Variants in IFT122 observed in about 807,000 individuals in gnomAD.
IFT122 encodes intraflagellar transport 122, also known as intraflagellar transport protein 122 homolog.
A neutral mutation model predicts 161.6 loss-of-function variants in IFT122; 118 were observed. That is an observed-to-expected ratio of 0.73 (90% CI 0.63 to 0.85). IFT122 has a LOEUF of 0.85. Among genes scored for constraint, IFT122 ranks in the 40% least tolerant of loss-of-function variants. The pLI, the probability that IFT122 is intolerant of heterozygous loss-of-function variation, is 0.00. For synonymous variants in IFT122, 550 were observed against 602.4 expected (o/e 0.91, Z 1.27); for missense variants, 1,381 against 1,579.6 (o/e 0.87, Z 2.13).
intron 17 of IFT122, among the ~76,000 whole-genome samples, chr3:129,493,597 G>A (rs901729275): frequency 6.6e-6 from 1 of 152,196 alleles, no homozygotes; most frequent in Non-Finnish European, 1.5e-5. Flanking sequence ...TATTTCCTAA[G>A]CTCATGCTCT....
At chr3:129,514,757 C>T (rs867457657) in intron 25 of IFT122, 9 of 678,188 alleles carry the variant, frequency 1.3e-5, no homozygotes, top group East Asian at 2.7e-5. Flanking sequence ...ACCTGGCGCC[C>T]GCTCACAGCC....
At chr3:129,485,940 C>G (rs1229479983) in intron 15 of IFT122, among the ~76,000 whole-genome samples, 1 of 152,254 alleles carries the variant, frequency 6.6e-6, no homozygotes, top group African/African-American at 2.4e-5. Context: ...GCATCAGACC[C>G]AGTCTTGGAA....
chr3:129,487,542 C>T (rs925006689), intron 15 of IFT122: 1 of 157,502 alleles, frequency 6.3e-6, no homozygotes, highest in African/African-American at 2.4e-5. Flanking sequence ...GCAACCCCAT[C>T]TTGTAGGAGG....
chr3:129,441,629 C>T (rs1362442519), intron 1 of IFT122, among the ~76,000 whole-genome samples: 2 of 152,056 alleles, frequency 1.3e-5, no homozygotes, highest in Admixed American at 1.3e-4. Flanking sequence ...ATGTTACAGA[C>T]GTGGCAAACT....
At chr3:129,453,770 A>G (rs1440211859) in intron 3 of IFT122, among the ~76,000 whole-genome samples, 3 of 152,138 alleles carry the variant, frequency 2.0e-5, no homozygotes, top group African/African-American at 7.2e-5. Flanking sequence ...GTTGGGAAGG[A>G]AGGGAAGTGG....
Position 129,463,551 on chromosome 3 carries a change from G to A in IFT122, c.350-9G>A, listed in dbSNP as rs1399786376. The A allele has an allele frequency of 2.5e-6, 4 of 1,611,474 alleles. No individual in the cohort carries two copies. Among genetic ancestry groups the A allele is most frequent in the Non-Finnish European group, 3.4e-6 (4 of 1,177,980 alleles). ...AATCCATCTTCTTTTATATTATTGT[G>A]CATTGAAGGGTTGTGGTCTCCTGAA... is the stretch of plus-strand genomic sequence containing the variant. On this transcript the variant is annotated splice_polypyrimidine_tract_variant and intron_variant, in intron 5 of 29. Coordinates refer to ENST00000348417, the MANE Select transcript of IFT122 (RefSeq NM_052989.3).
chr3:129,512,345 C>CGA lies in IFT122; in HGVS notation c.2920_2921insGA (p.Leu974ArgfsTer24). 1 of 1,614,140 alleles carries CGA rather than the reference C, an allele frequency of 6.2e-7. No homozygotes were observed. Among genetic ancestry groups the CGA allele is most frequent in the Non-Finnish European group, 8.5e-7 (1 of 1,179,958 alleles). On this transcript the variant is annotated frameshift_variant, in exon 24 of 30. Transcript: ENST00000348417. LOFTEE classifies it high-confidence loss of function. ...GTTCAGTGTCCATCGTCCTGAAACT[C>CGA]TTTTCAACATCTCCAGGTTCCTGCT...
chr3:129,485,892 G>A (rs530432109), intron 15 of IFT122, among the ~76,000 whole-genome samples: 3 of 152,316 alleles, frequency 2.0e-5, no homozygotes, highest in South Asian at 2.1e-4. Flanking sequence ...CTCTGCCTCC[G>A]GCCATCCTGT....
intron 18 of IFT122, among the ~76,000 whole-genome samples, chr3:129,497,947 G>A (rs530910587): frequency 6.6e-6 from 1 of 152,280 alleles, no homozygotes; most frequent in South Asian, 2.1e-4. Flanking sequence ...ATGTTTATAT[G>A]GTGATAAAGG....
chr3:129,458,863 A>T (rs941289316), intron 4 of IFT122, among the ~76,000 whole-genome samples, 186 bp downstream of exon 4: 4 of 152,208 alleles, frequency 2.6e-5, no homozygotes, highest in Non-Finnish European at 5.9e-5. Flanking sequence ...TTTCTTGGCC[A>T]CTTACTGGCG....
intron 17 of IFT122, among the ~76,000 whole-genome samples, chr3:129,494,222 T>A (rs1229640849): frequency 6.6e-6 from 1 of 152,016 alleles, no homozygotes. Flanking sequence ...GTTTGTTTTT[T>A]TTTTGCAGAG....
chr3:129,442,106 A>AT (rs36222375), intron 1 of IFT122, among the ~76,000 whole-genome samples: 1 of 152,162 alleles, frequency 6.6e-6, no homozygotes, highest in Non-Finnish European at 1.5e-5. Context: ...TGAAAAAAAA[A>AT]CAAAACACCG....
intron 16 of IFT122, among the ~76,000 whole-genome samples, 184 bp from the exon 17 acceptor site, chr3:129,491,957 G>T (rs2080162887): frequency 6.6e-6 from 1 of 152,178 alleles, no homozygotes; most frequent in Non-Finnish European, 1.5e-5. Flanking sequence ...CCAATCCCAT[G>T]GATAAAGCCA....
intron 26 of IFT122, among the ~76,000 whole-genome samples, chr3:129,517,218 G>GCACA (rs576896156): frequency 3.7e-4 from 42 of 112,282 alleles, no homozygotes; most frequent in Non-Finnish European, 5.3e-4. Flanking sequence ...GACTGCCCCT[G>GCACA]CACACACACA....
At chr3:129,481,773 CT>C in intron 14 of IFT122, 79 bp downstream of exon 14, 2 of 1,476,006 alleles carry the variant, frequency 1.4e-6, no homozygotes, top group Non-Finnish European at 1.9e-6. Flanking sequence ...CTGCAGGAGG[CT>C]CTCCTGCTCT....
Position 129,514,539 on chromosome 3 carries a change from C to A in IFT122, c.3138C>A (p.Pro1046=), listed in dbSNP as rs1180419361. The part of the protein sequence containing the change: ...ELGTLTIRAK[P]FHDSEELVPL... ...GTACCCTGACCATCCGCGCCAAGCC[C>A]TTCCACGACAGTGAGGTGAGGATGC... The change falls in exon 25 of 30, where the codon CCC becomes CCA. Residue 1046 remains proline, a synonymous_variant. Transcript: ENST00000348417. 6.2e-7 allele frequency: 1 copy of A among 1,614,238 alleles called. No individual in the cohort carries two copies. Among genetic ancestry groups the A allele is most frequent in the East Asian group, 2.2e-5 (1 of 44,886 alleles).
chr3:129,470,364 C>T (rs181171202), intron 9 of IFT122, among the ~76,000 whole-genome samples: 125 of 151,890 alleles, frequency 8.2e-4, no homozygotes, highest in African/African-American at 2.8e-3. Flanking sequence ...CCTGGGTTCA[C>T]GCCATTCTCC....
intron 1 of IFT122, among the ~76,000 whole-genome samples, chr3:129,446,510 C>T (rs552179340): frequency 1.7e-4 from 26 of 152,172 alleles, no homozygotes; most frequent in African/African-American, 5.5e-4. Flanking sequence ...CCACCGCGCC[C>T]GGCCGACCCT....
intron 22 of IFT122, 55 bp downstream of exon 22, chr3:129,506,604 A>G (rs2082216188): frequency 2.5e-6 from 4 of 1,609,822 alleles, no homozygotes; most frequent in South Asian, 2.2e-5. Flanking sequence ...TGACACCAAG[A>G]TAAACATCAG....
Sources: allele counts gnomAD v4.1 joint callset (sites outside exome capture counted in the v4.1 genomes callset), GRCh38; gene constraint gnomAD v4.1.1; transcripts MANE v1.5; gene names NCBI Gene and HGNC (gene_info 2026-07-23, HGNC 2026-07-21).